Variants in CLCC1 observed in about 807,000 individuals in gnomAD.
The protein encoded by CLCC1 is chloride channel CLIC-like protein 1.
Under a neutral mutation model 63.3 loss-of-function variants are expected in CLCC1, and 39 were observed. The ratio of observed to expected loss-of-function variants is 0.62; its 90% confidence interval spans 0.48 to 0.81. The LOEUF (loss-of-function observed/expected upper bound fraction) is 0.81. Ranked by LOEUF, CLCC1 falls within the 30% of genes least tolerant of loss-of-function variation. The pLI is 0.00. For missense variants in CLCC1, 549 were observed against 669.4 expected, an observed-to-expected ratio of 0.82 and a Z score of 1.98; for synonymous variants, 217 against 239.8, an observed-to-expected ratio of 0.90 and a Z score of 0.88.
intron 2 of CLCC1, among the ~76,000 whole-genome samples, chr1:108,954,028 A>AAAAAAAAAAAG (rs1553222737): frequency 1.9e-4 from 28 of 148,992 alleles, no homozygotes; most frequent in African/African-American, 7.1e-4. Context: ...AAAAAAAAAA[A>AAAAAAAAAAAG]CACATCCGAC....
intron 2 of CLCC1, among the ~76,000 whole-genome samples, chr1:108,959,243 A>G (rs1403425077): frequency 6.6e-6 from 1 of 152,174 alleles, no homozygotes; most frequent in Admixed American, 6.5e-5. Flanking sequence ...AATGCCAGCT[A>G]CTTGAATGGC....
At position 108,956,813 on chromosome 1, in the gene CLCC1, A is replaced by G. The variant is rs1198705343; in HGVS notation, c.-12+5496T>C. Reference sequence around the variant, plus strand: ...CAAGTATAGAAGCCCTGAGTGGAGAAGAAGCTGAAGCAGTCAAGGAACAGA... The same window carrying G: ...CAAGTATAGAAGCCCTGAGTGGAGAGGAAGCTGAAGCAGTCAAGGAACAGA... On this transcript the variant is annotated intron_variant, in intron 2 of 12. Transcript: ENST00000369969. Among the ~76,000 whole-genome samples, 4 of 143,834 alleles carry G rather than the reference A, an allele frequency of 2.8e-5. No homozygotes were observed. In the East Asian group the frequency reaches 8.0e-4, roughly 29 times the overall value. The allele number at this position is 143,834 out of a possible 152,430, so 94.4% of individuals were successfully genotyped here. A position where few individuals can be genotyped will look rare whatever the true frequency, so the allele number is the denominator to read the frequency against.
At chr1:108,944,927 C>A (rs1233990982) in intron 5 of CLCC1, among the ~76,000 whole-genome samples, 2 of 152,224 alleles carry the variant, frequency 1.3e-5, no homozygotes, top group Non-Finnish European at 2.9e-5. Context: ...CTGCACCCGG[C>A]CTCACAGTAG....
intron 11 of CLCC1, among the ~76,000 whole-genome samples, chr1:108,935,886 T>C (rs757094214): frequency 1.2e-4 from 18 of 152,236 alleles, no homozygotes; most frequent in Non-Finnish European, 2.4e-4. Context: ...GGAGCCCTTA[T>C]GGCTAAAGTA....
At chr1:108,935,519 A>C (rs917746471) in intron 11 of CLCC1, among the ~76,000 whole-genome samples, 4 of 152,164 alleles carry the variant, frequency 2.6e-5, no homozygotes, top group African/African-American at 9.7e-5. Context: ...GTAATCCCAT[A>C]ACTTTGGGAG....
At chr1:108,947,123 G>T (rs953240465) in intron 5 of CLCC1, among the ~76,000 whole-genome samples, 3 of 151,834 alleles carry the variant, frequency 2.0e-5, no homozygotes, top group Non-Finnish European at 4.4e-5. Flanking sequence ...AAGATTGCAC[G>T]ACGGTACTCC....
chr1:108,963,298 A>T lies in CLCC1; in HGVS notation c.-173+63T>A, dbSNP rs1004936260. 38 of 684,402 alleles carry T rather than the reference A, an allele frequency of 5.6e-5. No individual in the cohort carries two copies. The Admixed American group carries it at 5.7e-4, about 10-fold the overall frequency. The allele number at this position is 684,402 out of a possible 1,614,324, so 42.4% of individuals were successfully genotyped here. ...GCGCCGCGAGTCCGCTGGACCCGCC[A>T]GGGCGTAACGGCGGGTAACCCGCCC... On this transcript the variant is annotated intron_variant, in intron 1 of 12. Transcript: ENST00000369969.
In CLCC1 at chr1:108,949,479, A is replaced by G. The variant is rs189911514; in HGVS notation, c.231+341T>C. 8.5e-5 allele frequency among the ~76,000 whole-genome samples: 13 copies of G among 152,332 alleles called. No individual in the cohort carries two copies. In the East Asian group the frequency reaches 2.5e-3, roughly 29 times the overall value. ...ATAGACACATTTCTTCATTTGCTAC[A>G]TTTGTTGAGAGTTTACTATGCCTCA... On this transcript the variant is annotated intron_variant, in intron 4 of 12. Coordinates refer to ENST00000369969, the MANE Select transcript of CLCC1 (RefSeq NM_001377458.1).
chr1:108,931,573 T>C lies in CLCC1; in HGVS notation c.*974A>G. Reference sequence around the variant, plus strand: ...TGGGCAAATAGAACTATTTCTCTAATGGCCAATGTTTTTTAAGAGTCATAA... The same window carrying C: ...TGGGCAAATAGAACTATTTCTCTAACGGCCAATGTTTTTTAAGAGTCATAA... On this transcript the variant is annotated 3_prime_UTR_variant, in exon 13 of 13. Coordinates refer to ENST00000369969, the MANE Select transcript of CLCC1 (RefSeq NM_001377458.1). 3 of 1,442,478 alleles carry C rather than the reference T, an allele frequency of 2.1e-6. No individual in the cohort carries two copies. Among genetic ancestry groups the C allele is most frequent in the Admixed American group, 5.4e-5 (2 of 37,208 alleles). 89.4% of individuals were successfully genotyped at this position (1,442,478 alleles called of 1,614,324 possible).
chr1:108,956,475 CA>C (rs1655904787), intron 2 of CLCC1, among the ~76,000 whole-genome samples: 1 of 151,158 alleles, frequency 6.6e-6, no homozygotes, highest in Non-Finnish European at 1.5e-5. Context: ...TCCCGGCTAA[CA>C]CAGTGAAACC....
intron 10 of CLCC1, among the ~76,000 whole-genome samples, chr1:108,938,137 A>G (rs750368024): frequency 1.5e-4 from 23 of 152,216 alleles, no homozygotes; most frequent in Non-Finnish European, 2.2e-4. Context: ...TTTAACTCCT[A>G]ATATGTAAGT....
chr1:108,936,395 C>T (rs943670588), intron 11 of CLCC1, among the ~76,000 whole-genome samples: 1 of 152,182 alleles, frequency 6.6e-6, no homozygotes, highest in African/African-American at 2.4e-5. Flanking sequence ...GCGCCTGGTC[C>T]ATCTTTCTAG....
In CLCC1 at chr1:108,930,002, C is replaced by T. The variant is rs545889304; in HGVS notation, c.*2545G>A. 6 of 1,473,290 alleles carry T rather than the reference C, an allele frequency of 4.1e-6. No individual in the cohort carries two copies. In the African/African-American group the frequency reaches 8.4e-5, roughly 21 times the overall value. 91.3% of individuals were successfully genotyped at this position (1,473,290 alleles called of 1,614,324 possible). On this transcript the variant is annotated 3_prime_UTR_variant, in exon 13 of 13. Coordinates refer to ENST00000369969, the MANE Select transcript of CLCC1 (RefSeq NM_001377458.1). Reference sequence around the variant, plus strand: ...TAAGGAAACAATCTATTACTTTTTTCCTTAAAAGGAGAATTTATAGCACTG... The same window carrying T: ...TAAGGAAACAATCTATTACTTTTTTTCTTAAAAGGAGAATTTATAGCACTG...
chr1:108,943,789 T>C, intron 6 of CLCC1, 47 bp downstream of exon 6: 1 of 1,515,122 alleles, frequency 6.6e-7, no homozygotes, highest in Non-Finnish European at 9.1e-7. Flanking sequence ...GAAAGTATTT[T>C]AAAAAGGAAA....
In CLCC1 at chr1:108,937,381, A is replaced by AG; in HGVS notation, c.1078dup (p.Leu360ProfsTer8). On this transcript the variant is annotated frameshift_variant, in exon 11 of 13. Transcript: ENST00000369969. LOFTEE classifies it high-confidence loss of function. ...GCTCTCAGGACCGCCTATATGTCTC[A>AG]GCACATGAACTGATTTTCCAGCACC... is the stretch of plus-strand genomic sequence containing the variant. 1 of 1,612,766 alleles carries AG rather than the reference A, an allele frequency of 6.2e-7. No individual in the cohort carries two copies. Among genetic ancestry groups the AG allele is most frequent in the South Asian group, 1.1e-5 (1 of 90,830 alleles).
chr1:108,950,176 C>T, intron 3 of CLCC1, 133 bp downstream of exon 3: 1 of 948,600 alleles, frequency 1.1e-6, no homozygotes, highest in Admixed American at 2.9e-5. Flanking sequence ...TTAACAGTGT[C>T]AAGAAAATAT....
chr1:108,961,677 T>C (rs1212505519), intron 2 of CLCC1, among the ~76,000 whole-genome samples: 1 of 152,092 alleles, frequency 6.6e-6, no homozygotes, highest in Non-Finnish European at 1.5e-5. Flanking sequence ...CTGACCACCA[T>C]GGAGAAACCC....
At chr1:108,942,343 T>C (rs1272401783) in intron 7 of CLCC1, among the ~76,000 whole-genome samples, 1 of 152,230 alleles carries the variant, frequency 6.6e-6, no homozygotes, top group Non-Finnish European at 1.5e-5. Context: ...CTGGATAATT[T>C]CCAGTACAAT....
At position 108,930,125 on chromosome 1, in the gene CLCC1, G is replaced by A. The variant is rs1570978522; in HGVS notation, c.*2422C>T. On this transcript the variant is annotated 3_prime_UTR_variant, in exon 13 of 13. Coordinates refer to ENST00000369969, the MANE Select transcript of CLCC1 (RefSeq NM_001377458.1). Reference sequence around the variant, plus strand: ...TCTCTGGACATGCGCGTTTGAGGGTGGAGGGGTCCTGTAAGGTGCTTCATC... The same window carrying A: ...TCTCTGGACATGCGCGTTTGAGGGTAGAGGGGTCCTGTAAGGTGCTTCATC... 4.9e-6 allele frequency: 3 copies of A among 610,038 alleles called. No individual in the cohort carries two copies. The East Asian group carries it at 8.4e-5, about 17-fold the overall frequency. The allele number at this position is 610,038 out of a possible 1,614,324, so 37.8% of individuals were successfully genotyped here. A position where few individuals can be genotyped will look rare whatever the true frequency, so the allele number is the denominator to read the frequency against.
Sources: gnomAD v4.1 joint callset for allele counts (sites outside exome capture counted in the v4.1 genomes callset) on GRCh38, gnomAD v4.1.1 for gene constraint, MANE v1.5 for transcripts, NCBI Gene and HGNC (gene_info 2026-07-23, HGNC 2026-07-21) for gene names.